Variants in C2orf80 observed in about 807,000 individuals in gnomAD.
C2orf80 encodes uncharacterized protein C2orf80.
A neutral mutation model predicts 30.2 loss-of-function variants in C2orf80; 28 were observed. The observed-to-expected ratio is 0.93, with a 90% CI of 0.69 to 1.27. The LOEUF (loss-of-function observed/expected upper bound fraction) is 1.27, where lower values mean the gene tolerates loss of function less well. Ranked by LOEUF, C2orf80 falls within the 50% of genes most tolerant of loss-of-function variation. C2orf80 has a pLI of 0.00. For synonymous variants in C2orf80, 80 were observed against 76.4 expected (o/e 1.05, Z -0.24); for missense variants, 220 against 231.0 (o/e 0.95, Z 0.31).
chr2:208,175,211 CGGGG>C (rs71412474), intron 6 of C2orf80, among the ~76,000 whole-genome samples: 35,987 of 128,254 alleles, frequency 0.28, 5,169 homozygotes, highest in Middle Eastern at 0.42. Context: ...ACTTGAACCC[CGGGG>C]GGGGGGGGGG....
chr2:208,178,169 G>T (rs1696428014), intron 6 of C2orf80, among the ~76,000 whole-genome samples: 1 of 152,096 alleles, frequency 6.6e-6, no homozygotes, highest in South Asian at 2.1e-4. Flanking sequence ...AGACACCCAT[G>T]TTTGCAAACC....
Position 208,188,423 on chromosome 2 carries a change from C to T in C2orf80, c.-75-1362G>A, listed in dbSNP as rs529440263. 1.9e-4 allele frequency among the ~76,000 whole-genome samples: 29 copies of T among 152,050 alleles called. No homozygotes were observed. The South Asian group carries it at 6.0e-3, about 32-fold the overall frequency. Reference sequence around the variant, plus strand: ...ATGGCGCTGATCTAAATGAATGCTTCCCTAGGCCACCTTCATTATTTTGGA... The same window carrying T: ...ATGGCGCTGATCTAAATGAATGCTTTCCTAGGCCACCTTCATTATTTTGGA... On this transcript the variant is annotated intron_variant, in intron 1 of 8. Transcript: ENST00000341287.
chr2:208,185,447 A>G (rs1371996366), intron 2 of C2orf80, among the ~76,000 whole-genome samples: 1 of 152,230 alleles, frequency 6.6e-6, no homozygotes, highest in Non-Finnish European at 1.5e-5. Flanking sequence ...GTAGGTAAGT[A>G]TTCTTTTGCC....
intron 1 of C2orf80, 41 bp from the exon 2 acceptor site, chr2:208,187,102 A>T: frequency 1.1e-6 from 1 of 897,478 alleles, no homozygotes; most frequent in Non-Finnish European, 1.8e-6. Context: ...TAGGGATGCT[A>T]TCACTCCAAA....
At chr2:208,189,557 A>T (rs1696815859) in intron 1 of C2orf80, among the ~76,000 whole-genome samples, 1 of 152,216 alleles carries the variant, frequency 6.6e-6, no homozygotes, top group African/African-American at 2.4e-5. Flanking sequence ...CAGCTGTGGA[A>T]GTCAGTGATT....
rs548503451 is a variant in C2orf80 at position 208,176,391 on chromosome 2, G to A, written c.367-4316C>T. Among the ~76,000 whole-genome samples, 7 of 152,292 alleles carry A rather than the reference G, an allele frequency of 4.6e-5. No homozygotes were observed. The East Asian group carries it at 1.4e-3, about 29-fold the overall frequency. Reference sequence around the variant, plus strand: ...GGGTTTCACCATGTTGGCCAGGCTGGCCTCGAACTCCTGACCTCAAGTGAT... The same window carrying A: ...GGGTTTCACCATGTTGGCCAGGCTGACCTCGAACTCCTGACCTCAAGTGAT... On this transcript the variant is annotated intron_variant, in intron 6 of 8. Transcript: ENST00000341287.
rs2105885666 is a variant in C2orf80, at chr2:208,165,830, A to T, written c.574-15T>A. On this transcript the variant is annotated splice_polypyrimidine_tract_variant and intron_variant, in intron 8 of 8. Coordinates refer to ENST00000341287, the MANE Select transcript of C2orf80 (RefSeq NM_001099334.3). Reference sequence around the variant, plus strand: ...TTCTAAGTGACCTGCAGAATAAAAGATGATTTTGGTATCAAGCACATCAAT... The same window carrying T: ...TTCTAAGTGACCTGCAGAATAAAAGTTGATTTTGGTATCAAGCACATCAAT... 1 of 1,598,502 alleles carries T rather than the reference A, an allele frequency of 6.3e-7. No homozygotes were observed. The highest frequency in any genetic ancestry group is 8.6e-7 in the Non-Finnish European group (1 of 1,169,338).
chr2:208,189,680 A>C (rs1011205659), intron 1 of C2orf80, among the ~76,000 whole-genome samples: 13 of 152,232 alleles, frequency 8.5e-5, no homozygotes, highest in Admixed American at 1.3e-4. Flanking sequence ...AGAGCTCTAA[A>C]GAAAACAAGA....
chr2:208,167,207 G>C (rs1045698635), intron 8 of C2orf80, among the ~76,000 whole-genome samples: 5 of 151,732 alleles, frequency 3.3e-5, no homozygotes, highest in African/African-American at 1.2e-4. Flanking sequence ...CTAGGACAAT[G>C]CAATTTAAAA....
At chr2:208,184,515 G>A (rs1430414827) in intron 3 of C2orf80, among the ~76,000 whole-genome samples, 2 of 152,120 alleles carry the variant, frequency 1.3e-5, no homozygotes, top group Non-Finnish European at 1.5e-5. Flanking sequence ...TTTCTGTGAC[G>A]TGAACTTTCA....
At chr2:208,174,437 C>T (rs1696210684) in intron 6 of C2orf80, among the ~76,000 whole-genome samples, 1 of 152,086 alleles carries the variant, frequency 6.6e-6, no homozygotes, top group Admixed American at 6.5e-5. Flanking sequence ...ACGAAGGGAC[C>T]AGGTTGCTAT....
In C2orf80 at chr2:208,174,101, C is replaced by G. The variant is rs1263520502; in HGVS notation, c.367-2026G>C. Among the ~76,000 whole-genome samples the G allele has an allele frequency of 2.0e-5, 3 of 152,040 alleles. No individual in the cohort carries two copies. In the East Asian group the frequency reaches 5.8e-4, roughly 29 times the overall value. Reference sequence around the variant, plus strand: ...CCAAGAAGCAGGGACTGTAGACACACAACACCATGCCTGGCGAATTTTTGT... The same window carrying G: ...CCAAGAAGCAGGGACTGTAGACACAGAACACCATGCCTGGCGAATTTTTGT... On this transcript the variant is annotated intron_variant, in intron 6 of 8. Coordinates refer to ENST00000341287, the MANE Select transcript of C2orf80 (RefSeq NM_001099334.3).
rs755754523 is a variant in C2orf80, at chr2:208,182,973, C to T, written c.198G>A (p.Trp66Ter). 1.7e-5 allele frequency: 28 copies of T among 1,613,110 alleles called. No individual in the cohort carries two copies. The highest frequency in any genetic ancestry group is 1.7e-4 in the African/African-American group (13 of 74,904). The change falls in exon 4 of 9, where the codon TGG becomes TGA. Residue 66 changes from tryptophan to a stop codon, truncating the protein, a stop_gained. Transcript: ENST00000341287. LOFTEE classifies it high-confidence loss of function. Reference sequence around the variant, plus strand: ...AACCTACTTCAACTTACAGTTCCTCCCACTCCAGCCAAGTTAAGTCTTCTG... The same window carrying T: ...AACCTACTTCAACTTACAGTTCCTCTCACTCCAGCCAAGTTAAGTCTTCTG... ...DPSEDLTWLE[W>*]EELKIPLHGR...
At chr2:208,165,890 G>A in intron 8 of C2orf80, 75 bp from the exon 9 acceptor site, 1 of 962,470 alleles carries the variant, frequency 1.0e-6, no homozygotes, top group South Asian at 1.5e-5. Flanking sequence ...TAAGTCTATA[G>A]GAAGTTAAGG....
At chr2:208,187,355 G>A (rs754407250) in intron 1 of C2orf80, among the ~76,000 whole-genome samples, 8 of 152,032 alleles carry the variant, frequency 5.3e-5, no homozygotes, top group Non-Finnish European at 1.2e-4. Context: ...GAGACTATTC[G>A]GGCAGAACCA....
At chr2:208,185,994 GT>G (rs1329737579) in intron 2 of C2orf80, among the ~76,000 whole-genome samples, 1 of 152,114 alleles carries the variant, frequency 6.6e-6, no homozygotes, top group African/African-American at 2.4e-5. Flanking sequence ...GCATCAGCAT[GT>G]CTTTCTTTAC....
Position 208,183,012 on chromosome 2 carries a change from T to C in C2orf80, c.159A>G (p.Gln53=), listed in dbSNP as rs747143288. ...TTAAGTCTTCTGAGGGATCCAGCCATTGCAAAGCAACACTGATGGCCAAGT... is the reference window on the plus strand; with the variant it reads ...TTAAGTCTTCTGAGGGATCCAGCCACTGCAAAGCAACACTGATGGCCAAGT... ...HYDLAISVAL[Q]WLDPSEDLTW... The change falls in exon 4 of 9, where the codon CAA becomes CAG. Residue 53 remains glutamine (Q), a synonymous_variant. Coordinates refer to ENST00000341287, the MANE Select transcript of C2orf80 (RefSeq NM_001099334.3). 1.2e-5 allele frequency: 19 copies of C among 1,614,042 alleles called. 1 individual carries two copies. In the South Asian group the frequency reaches 1.9e-4, roughly 16 times the overall value.
intron 6 of C2orf80, among the ~76,000 whole-genome samples, chr2:208,174,114 G>A (rs1465413745): frequency 2.0e-5 from 3 of 151,956 alleles, no homozygotes; most frequent in Admixed American, 2.0e-4. Flanking sequence ...CACCATGCCT[G>A]GCGAATTTTT....
chr2:208,185,180 T>C, intron 2 of C2orf80, 148 bp from the exon 3 acceptor site: 2 of 582,238 alleles, frequency 3.4e-6, no homozygotes, highest in African/African-American at 1.9e-5. Context: ...TATTCGGTTT[T>C]GGTTTACACG....
Sources: allele counts gnomAD v4.1 joint callset (sites outside exome capture counted in the v4.1 genomes callset), GRCh38; gene constraint gnomAD v4.1.1; transcripts MANE v1.5; gene names NCBI Gene and HGNC (gene_info 2026-07-23, HGNC 2026-07-21).